Variants in DLG2 observed in about 807,000 individuals in gnomAD.
DLG2 encodes disks large homolog 2.
A neutral mutation model predicts 132.5 loss-of-function variants in DLG2; 45 were observed. The observed-to-expected ratio is 0.34, with a 90% confidence interval of 0.27 to 0.44. The LOEUF (loss-of-function observed/expected upper bound fraction) is 0.44, where lower values mean the gene tolerates loss of function less well. DLG2 is among the 20% of genes least tolerant of loss of function. DLG2 has a pLI of 1.00. For synonymous variants in DLG2, 424 were observed against 419.6 expected (o/e 1.01, Z -0.13); for missense variants, 1,045 against 1,196.9 (o/e 0.87, Z 1.87).
chr11:83,922,218 G>A (rs1348471509), intron 15 of DLG2, among the ~76,000 whole-genome samples: 3 of 152,132 alleles, frequency 2.0e-5, no homozygotes, highest in African/African-American at 7.2e-5. Context: ...TTGAGACAAT[G>A]CATTAATATA....
chr11:85,411,650 GATA>G (rs1354425749), intron 3 of DLG2, among the ~76,000 whole-genome samples: 2 of 151,790 alleles, frequency 1.3e-5, no homozygotes, highest in African/African-American at 4.8e-5. Context: ...ATACGAAATG[GATA>G]ATTATTCTGT....
At chr11:85,439,446 G>A (rs181514146) in intron 3 of DLG2, among the ~76,000 whole-genome samples, 13 of 148,570 alleles carry the variant, frequency 8.8e-5, no homozygotes, top group Admixed American at 5.5e-4. Context: ...TGCAACCTCC[G>A]CCTTCCAGGT....
intron 3 of DLG2, among the ~76,000 whole-genome samples, chr11:85,551,074 G>A (rs1471697283): frequency 1.3e-5 from 2 of 152,200 alleles, no homozygotes; most frequent in Non-Finnish European, 2.9e-5. Context: ...AAAATATGAG[G>A]TAAAGGAGGA....
At chr11:83,712,635 A>G (rs944030814) in intron 18 of DLG2, among the ~76,000 whole-genome samples, 26 of 152,210 alleles carry the variant, frequency 1.7e-4, no homozygotes, top group Admixed American at 1.4e-3. Flanking sequence ...ATCTCAAAAA[A>G]AAGGATCAAG....
intron 6 of DLG2, among the ~76,000 whole-genome samples, chr11:84,563,795 G>A (rs1259386566): frequency 6.6e-6 from 1 of 152,142 alleles, no homozygotes; most frequent in Non-Finnish European, 1.5e-5. Flanking sequence ...CATCTTAGCA[G>A]CTATGTGACA....
chr11:84,793,425 A>G (rs2074146364), intron 6 of DLG2, among the ~76,000 whole-genome samples: 1 of 152,204 alleles, frequency 6.6e-6, no homozygotes, highest in Non-Finnish European at 1.5e-5. Context: ...CATTTGTCCT[A>G]AAGTGCAGGT....
chr11:84,471,964 A>G (rs960939705), intron 7 of DLG2, among the ~76,000 whole-genome samples: 20 of 149,546 alleles, frequency 1.3e-4, no homozygotes, highest in African/African-American at 2.5e-4. Context: ...AAAATTAAGG[A>G]AAAAAAAAGA....
chr11:84,600,163 A>AGAAAGAAAGAAG (rs2099572682), intron 6 of DLG2, among the ~76,000 whole-genome samples: 1 of 87,080 alleles, frequency 1.1e-5, no homozygotes, highest in Non-Finnish European at 2.4e-5. Context: ...AAAGAAGGAA[A>AGAAAGAAAGAAG]GAAAGAAAGA....
intron 17 of DLG2, among the ~76,000 whole-genome samples, chr11:83,794,623 T>C (rs1439686457): frequency 6.6e-6 from 1 of 152,108 alleles, no homozygotes; most frequent in African/African-American, 2.4e-5. Context: ...TTAACATTAA[T>C]TGAGCATCAG....
At chr11:84,516,424 A>G (rs1288786944) in intron 7 of DLG2, among the ~76,000 whole-genome samples, 1 of 151,712 alleles carries the variant, frequency 6.6e-6, no homozygotes, top group Non-Finnish European at 1.5e-5. Flanking sequence ...GGATCATAGG[A>G]GACTATTATG....
At chr11:84,479,321 C>G (rs2099130410) in intron 7 of DLG2, among the ~76,000 whole-genome samples, 1 of 152,012 alleles carries the variant, frequency 6.6e-6, no homozygotes, top group Non-Finnish European at 1.5e-5. Context: ...TCAAGAGAAG[C>G]CAAAATGAGT....
intron 6 of DLG2, among the ~76,000 whole-genome samples, chr11:84,943,547 C>T (rs1003329806): frequency 3.3e-5 from 5 of 152,096 alleles, no homozygotes; most frequent in African/African-American, 7.2e-5. Flanking sequence ...AATAATGCCT[C>T]GTAACATGTT....
At chr11:83,652,958 T>C (rs568262999) in intron 18 of DLG2, among the ~76,000 whole-genome samples, 10 of 152,354 alleles carry the variant, frequency 6.6e-5, no homozygotes, top group African/African-American at 2.2e-4. Context: ...GTGTGGAAGA[T>C]AGTCTTATTC....
intron 18 of DLG2, among the ~76,000 whole-genome samples, chr11:83,698,865 C>T (rs568732197): frequency 2.6e-5 from 4 of 152,222 alleles, no homozygotes; most frequent in South Asian, 2.1e-4. Context: ...GTTCAGAACC[C>T]GCCAGGTGGG....
chr11:84,021,613 G>A (rs1384339753), intron 11 of DLG2, among the ~76,000 whole-genome samples: 1 of 152,122 alleles, frequency 6.6e-6, no homozygotes, highest in Non-Finnish European at 1.5e-5. Context: ...TGGAATTCCA[G>A]GTAGAGAAAG....
chr11:83,564,008 A>G (rs1413819020), intron 19 of DLG2, among the ~76,000 whole-genome samples: 1 of 152,206 alleles, frequency 6.6e-6, no homozygotes, highest in Non-Finnish European at 1.5e-5. Context: ...AATAGCAGAT[A>G]ATTAGACTGT....
Position 84,402,551 on chromosome 11 carries a change from C to CA in DLG2, c.519+132018dup, listed in dbSNP as rs1281154938. On this transcript the variant is annotated intron_variant, in intron 7 of 27. Transcript: ENST00000376104. ...TCATTTCATGATTAGTCCTTCATGTCAAAAAAAAAAAATGTAAAAAGGTTG... is the reference window on the plus strand; with the variant it reads ...TCATTTCATGATTAGTCCTTCATGTCAAAAAAAAAAAAATGTAAAAAGGTTG... 7.8e-3 allele frequency among the ~76,000 whole-genome samples: 1,077 copies of CA among 137,214 alleles called. 8 individuals carry two copies. Among genetic ancestry groups the CA allele is most frequent in the African/African-American group, 0.011 (409 of 37,036 alleles). The allele number at this position is 137,214 out of a possible 152,430, so 90.0% of individuals were successfully genotyped here.
chr11:84,859,398 GTATATATACATATA>G, intron 6 of DLG2, among the ~76,000 whole-genome samples: 1 of 137,754 alleles, frequency 7.3e-6, no homozygotes, highest in Non-Finnish European at 1.5e-5. Context: ...ACATATATAT[GTATATATACATATA>G]TATGTATACA....
At chr11:83,477,250 T>C (rs2092693844) in intron 22 of DLG2, among the ~76,000 whole-genome samples, 1 of 152,106 alleles carries the variant, frequency 6.6e-6, no homozygotes, top group Non-Finnish European at 1.5e-5. Context: ...GACTGTAAGG[T>C]ATTATACAGA....
Sources: allele counts gnomAD v4.1 joint callset (sites outside exome capture counted in the v4.1 genomes callset), GRCh38; gene constraint gnomAD v4.1.1; transcripts MANE v1.5; gene names NCBI Gene and HGNC (gene_info 2026-07-23, HGNC 2026-07-21).